The following FAF1 variants were observed in gnomAD, a reference collection of about 807,000 sequenced individuals.
FAF1 encodes FAS-associated factor 1.
A neutral mutation model predicts 92.5 loss-of-function variants in FAF1; 25 were observed. The observed-to-expected ratio is 0.27, with a 90% CI of 0.20 to 0.38. The LOEUF (loss-of-function observed/expected upper bound fraction) is 0.38, where lower values mean the gene tolerates loss of function less well. Among genes scored for constraint, FAF1 ranks in the 10% least tolerant of loss-of-function variants. FAF1 has a pLI of 1.00. For synonymous variants in FAF1, 234 were observed against 273.2 expected, an observed-to-expected ratio of 0.86 and a Z score of 1.42; for missense variants, 636 against 793.3, an observed-to-expected ratio of 0.80 and a Z score of 2.38.
chr1:50,600,831 A>G (rs1430163590), intron 8 of FAF1, among the ~76,000 whole-genome samples: 1 of 152,206 alleles, frequency 6.6e-6, no homozygotes, highest in Non-Finnish European at 1.5e-5. Flanking sequence ...CTGAATTTTT[A>G]GAAAATATAA....
chr1:50,788,686 A>G (rs1661450077), intron 3 of FAF1, among the ~76,000 whole-genome samples: 1 of 152,192 alleles, frequency 6.6e-6, no homozygotes, highest in Non-Finnish European at 1.5e-5. Flanking sequence ...CATTTTGCCA[A>G]GAAAACAAAA....
intron 4 of FAF1, among the ~76,000 whole-genome samples, chr1:50,772,640 G>A (rs553723942): frequency 1.3e-3 from 191 of 152,236 alleles, no homozygotes; most frequent in Non-Finnish European, 1.7e-3. Flanking sequence ...ACAAGTGGGA[G>A]CTAAACACTG....
chr1:50,775,866 A>AAGT (rs1660940153), intron 4 of FAF1, among the ~76,000 whole-genome samples: 1 of 152,292 alleles, frequency 6.6e-6, no homozygotes, highest in African/African-American at 2.4e-5. Flanking sequence ...TATTATCCTT[A>AAGT]AGTATGCCTT....
chr1:50,780,193 T>C (rs1445860703), intron 4 of FAF1: 1 of 152,204 alleles, frequency 6.6e-6, no homozygotes. Flanking sequence ...CCCAATTATA[T>C]GCTGATTACA....
intron 15 of FAF1, among the ~76,000 whole-genome samples, chr1:50,502,742 G>A (rs1305002346): frequency 6.6e-6 from 1 of 152,112 alleles, no homozygotes; most frequent in Non-Finnish European, 1.5e-5. Context: ...TTTCTTAGGT[G>A]TATGTGTGCA....
intron 18 of FAF1, among the ~76,000 whole-genome samples, chr1:50,463,173 C>A (rs1646453647): frequency 6.6e-6 from 1 of 152,130 alleles, no homozygotes; most frequent in South Asian, 2.1e-4. Flanking sequence ...CCAATAAAAG[C>A]CCTGGGCAGA....
chr1:50,920,228 G>C (rs1644951910), intron 1 of FAF1, among the ~76,000 whole-genome samples: 1 of 151,962 alleles, frequency 6.6e-6, no homozygotes, highest in Non-Finnish European at 1.5e-5. Flanking sequence ...TTGAGCCTGG[G>C]GGGCAGAGGG....
chr1:50,652,858 C>T (rs1428248734), intron 8 of FAF1, among the ~76,000 whole-genome samples: 2 of 152,062 alleles, frequency 1.3e-5, no homozygotes, highest in African/African-American at 2.4e-5. Flanking sequence ...ATTATAATGT[C>T]GACTCATTTA....
intron 1 of FAF1, among the ~76,000 whole-genome samples, chr1:50,918,439 G>A (rs1251554212): frequency 0.01 from 746 of 73,292 alleles, 15 homozygotes; most frequent in African/African-American, 0.038. Flanking sequence ...GAGAATATGC[G>A]GTGTTTGGTT....
chr1:50,794,049 C>A (rs538165833), intron 3 of FAF1, among the ~76,000 whole-genome samples: 1 of 152,162 alleles, frequency 6.6e-6, no homozygotes, highest in African/African-American at 2.4e-5. Flanking sequence ...ATGTGAAATA[C>A]TTCTGGTCCT....
chr1:50,707,022 T>C (rs1251451277), intron 6 of FAF1, among the ~76,000 whole-genome samples: 1 of 151,824 alleles, frequency 6.6e-6, no homozygotes. Context: ...GCTAACACGG[T>C]AAAACCCCGT....
chr1:50,830,722 C>T (rs1299224009), intron 2 of FAF1, among the ~76,000 whole-genome samples: 3 of 149,144 alleles, frequency 2.0e-5, no homozygotes, highest in Admixed American at 6.7e-5. Context: ...AAAATAAACA[C>T]ATTTAAAACT....
At chr1:50,657,428 G>A (rs1054297457) in intron 7 of FAF1, among the ~76,000 whole-genome samples, 5 of 152,074 alleles carry the variant, frequency 3.3e-5, no homozygotes, top group African/African-American at 1.2e-4. Context: ...CAGGCATGGT[G>A]TCTCATGCCT....
At chr1:50,756,560 T>G (rs1191659475) in intron 4 of FAF1, among the ~76,000 whole-genome samples, 1 of 152,226 alleles carries the variant, frequency 6.6e-6, no homozygotes, top group Non-Finnish European at 1.5e-5. Flanking sequence ...TTCCACATTT[T>G]CAGGTATCTT....
chr1:50,894,972 A>G (rs1644747284), intron 1 of FAF1, among the ~76,000 whole-genome samples: 1 of 152,178 alleles, frequency 6.6e-6, no homozygotes, highest in African/African-American at 2.4e-5. Flanking sequence ...ATCTTAAAGA[A>G]CTGGAAAAAT....
At chr1:50,699,468 C>T (rs1657375632) in intron 7 of FAF1, among the ~76,000 whole-genome samples, 1 of 152,016 alleles carries the variant, frequency 6.6e-6, no homozygotes, top group African/African-American at 2.4e-5. Context: ...GCAATTCACA[C>T]TTAATGTACT....
At chr1:50,638,515 G>A (rs189369734) in intron 8 of FAF1, among the ~76,000 whole-genome samples, 14 of 146,148 alleles carry the variant, frequency 9.6e-5, no homozygotes, top group African/African-American at 2.0e-4. Context: ...CGCAATCTCC[G>A]CTCACTGCAA....
chr1:50,899,742 G>A (rs1422862903), intron 1 of FAF1, among the ~76,000 whole-genome samples: 3 of 152,100 alleles, frequency 2.0e-5, no homozygotes, highest in East Asian at 1.9e-4. Context: ...GAGCCACCAC[G>A]CCCAGCCTCC....
Position 50,810,246 on chromosome 1 carries a change from ACT to A in FAF1, c.115-8571_115-8570del, listed in dbSNP as rs765594713. Reference sequence around the variant, plus strand: ...CTCCAGCCTGGGCAACAAGAGCGAGACTCTGTCTCAAAACTAAAAAAATTAAA... The same window carrying A: ...CTCCAGCCTGGGCAACAAGAGCGAGACTGTCTCAAAACTAAAAAAATTAAA... On this transcript the variant is annotated intron_variant, in intron 2 of 18. Coordinates refer to ENST00000396153, the MANE Select transcript of FAF1 (RefSeq NM_007051.3). 2.6e-5 allele frequency among the ~76,000 whole-genome samples: 4 copies of A among 152,298 alleles called. No individual in the cohort carries two copies. In the East Asian group the frequency reaches 7.7e-4, roughly 29 times the overall value.
Sources: gnomAD v4.1 joint callset for allele counts (sites outside exome capture counted in the v4.1 genomes callset) on GRCh38, gnomAD v4.1.1 for gene constraint, MANE v1.5 for transcripts, NCBI Gene and HGNC (gene_info 2026-07-23, HGNC 2026-07-21) for gene names.